NLGN1: variants seen among roughly 807,000 people sequenced by gnomAD.
NLGN1 encodes the protein neuroligin-1.
In NLGN1, 12 loss-of-function variants were observed where a neutral mutation model predicts 65.5. That is an observed-to-expected ratio of 0.18 (90% CI 0.12 to 0.30). The LOEUF is 0.30. Among genes scored for constraint, NLGN1 ranks in the 10% least tolerant of loss-of-function variants. The pLI is 1.00. For synonymous variants in NLGN1, 350 were observed against 359.5 expected (o/e 0.97, Z 0.30); for missense variants, 750 against 1,007.1 (o/e 0.74, Z 3.46).
At chr3:173,584,072 CA>C (rs561995466) in intron 2 of NLGN1, among the ~76,000 whole-genome samples, 267 of 125,108 alleles carry the variant, frequency 2.1e-3, no homozygotes, top group Non-Finnish European at 2.0e-3. Context: ...TTTTTGTAGA[CA>C]AAAAAAAAAA....
chr3:173,810,491 A>G (rs904073278), intron 4 of NLGN1, among the ~76,000 whole-genome samples: 4 of 152,210 alleles, frequency 2.6e-5, no homozygotes, highest in South Asian at 2.1e-4. Flanking sequence ...TGGGGGTCCA[A>G]TGGACAAACT....
At chr3:173,625,622 T>A (rs1351315763) in intron 3 of NLGN1, among the ~76,000 whole-genome samples, 1 of 152,150 alleles carries the variant, frequency 6.6e-6, no homozygotes, top group Non-Finnish European at 1.5e-5. Context: ...ATTAAATAAC[T>A]TTTATGTACT....
intron 4 of NLGN1, among the ~76,000 whole-genome samples, chr3:173,873,918 TA>T (rs1731647710): frequency 6.6e-6 from 1 of 152,142 alleles, no homozygotes; most frequent in Non-Finnish European, 1.5e-5. Context: ...GTCATATGTG[TA>T]GGCTCTAATC....
intron 3 of NLGN1, among the ~76,000 whole-genome samples, chr3:173,632,838 T>G (rs1461111175): frequency 5.9e-5 from 3 of 50,560 alleles, no homozygotes; most frequent in East Asian, 1.0e-3. Flanking sequence ...TTGAGTAGTG[T>G]TTTTTTTTTT....
chr3:173,898,083 A>G (rs543420533), intron 4 of NLGN1, among the ~76,000 whole-genome samples: 1 of 152,328 alleles, frequency 6.6e-6, no homozygotes, highest in East Asian at 1.9e-4. Flanking sequence ...TTTCACTGAC[A>G]TTTATAAATG....
chr3:173,847,631 G>A (rs1459826165), intron 4 of NLGN1, among the ~76,000 whole-genome samples: 1 of 152,030 alleles, frequency 6.6e-6, no homozygotes, highest in African/African-American at 2.4e-5. Flanking sequence ...TATTATTTTG[G>A]AAGGCTGAGG....
chr3:174,100,374 T>C (rs1438920375), intron 4 of NLGN1, among the ~76,000 whole-genome samples: 1 of 152,182 alleles, frequency 6.6e-6, no homozygotes, highest in Non-Finnish European at 1.5e-5. Flanking sequence ...ATTAAACATA[T>C]TTTATTGAGC....
At chr3:173,608,617 T>G (rs1302777873) in intron 3 of NLGN1, among the ~76,000 whole-genome samples, 1 of 151,910 alleles carries the variant, frequency 6.6e-6, no homozygotes, top group Non-Finnish European at 1.5e-5. Context: ...TACCACTGGC[T>G]GCTAGTTAGT....
At chr3:173,825,565 A>G (rs901437603) in intron 4 of NLGN1, among the ~76,000 whole-genome samples, 8 of 152,042 alleles carry the variant, frequency 5.3e-5, no homozygotes, top group African/African-American at 1.9e-4. Context: ...GGATGCTTAC[A>G]TTGTGTTCTC....
chr3:173,763,911 G>A (rs1778374829), intron 3 of NLGN1, among the ~76,000 whole-genome samples: 1 of 152,144 alleles, frequency 6.6e-6, no homozygotes, highest in African/African-American at 2.4e-5. Flanking sequence ...TACTCATTCA[G>A]TTTCCTGTGA....
chr3:173,809,192 A>C (rs1437747256), intron 4 of NLGN1, among the ~76,000 whole-genome samples: 1 of 152,174 alleles, frequency 6.6e-6, no homozygotes, highest in East Asian at 1.9e-4. Context: ...TCAAACATTC[A>C]TATGATTTCT....
intron 3 of NLGN1, among the ~76,000 whole-genome samples, chr3:173,699,158 AGAAGTTT>A (rs1488799621): frequency 1.3e-5 from 2 of 152,136 alleles, no homozygotes; most frequent in Non-Finnish European, 2.9e-5. Context: ...ACCTGGCTCA[AGAAGTTT>A]TAAAAAACAA....
chr3:173,614,155 T>A (rs1414549373), intron 3 of NLGN1, among the ~76,000 whole-genome samples: 1 of 151,906 alleles, frequency 6.6e-6, no homozygotes, highest in African/African-American at 2.4e-5. Flanking sequence ...TCTTCTAGAG[T>A]CTTCTTTCTG....
chr3:173,576,730 A>C (rs919845329), intron 2 of NLGN1, among the ~76,000 whole-genome samples: 3 of 152,148 alleles, frequency 2.0e-5, no homozygotes, highest in African/African-American at 7.2e-5. Context: ...TCACATTTGC[A>C]AAGTCTCTTT....
rs538308397 is a variant in NLGN1, at chr3:174,030,303, T to G, written c.646+222471T>G. On this transcript the variant is annotated intron_variant, in intron 4 of 6. Transcript: ENST00000457714. The stretch of plus-strand genomic sequence containing the variant: ...ACCATGCCTGGCTAATTTTTGTATT[T>G]TTAGTAGAGATGGGGTTTCACCATG... Among the ~76,000 whole-genome samples, 13 of 152,038 alleles carry G rather than the reference T, an allele frequency of 8.6e-5. No homozygotes were observed. In the South Asian group the frequency reaches 2.1e-3, roughly 24 times the overall value.
At chr3:174,076,439 C>CA (rs1193136147) in intron 4 of NLGN1, among the ~76,000 whole-genome samples, 2 of 152,072 alleles carry the variant, frequency 1.3e-5, no homozygotes, top group African/African-American at 4.8e-5. Flanking sequence ...CCTGAACACT[C>CA]ACATTTGGTC....
intron 4 of NLGN1, among the ~76,000 whole-genome samples, chr3:173,955,583 A>G (rs985304154): frequency 2.0e-5 from 3 of 152,184 alleles, no homozygotes; most frequent in Non-Finnish European, 4.4e-5. Flanking sequence ...CCAATCAAAT[A>G]ATACTATAGA....
At chr3:173,640,592 CAT>C (rs565698279) in intron 3 of NLGN1, among the ~76,000 whole-genome samples, 109 of 152,198 alleles carry the variant, frequency 7.2e-4, no homozygotes, top group Non-Finnish European at 1.2e-3. Flanking sequence ...AATCTGATAA[CAT>C]AGAGTCCATA....
chr3:174,281,102 C>T (rs1751457315), exon 7 of NLGN1: 1 of 1,613,254 alleles, frequency 6.2e-7, no homozygotes, highest in Non-Finnish European at 8.5e-7. Flanking sequence ...TTCGGACCGC[C>T]TGTCCCCCAG....
Sources: gnomAD v4.1 joint callset for allele counts (sites outside exome capture counted in the v4.1 genomes callset) on GRCh38, gnomAD v4.1.1 for gene constraint, MANE v1.5 for transcripts, NCBI Gene and HGNC (gene_info 2026-07-23, HGNC 2026-07-21) for gene names.